Variants in ZNF479 observed in about 807,000 individuals in gnomAD.
The protein encoded by ZNF479 is KRAB zinc finger protein KR19.
ZNF479 carries 15 observed loss-of-function variants against 14.7 expected under a neutral mutation model. That is an observed-to-expected ratio of 1.02 (90% CI 0.68 to 1.57). The LOEUF is 1.57. Ranked by LOEUF, ZNF479 falls within the 40% of genes most tolerant of loss-of-function variation. The pLI, the probability that ZNF479 is intolerant of heterozygous loss-of-function variation, is 0.00. For missense variants in ZNF479, 506 were observed against 615.1 expected (o/e 0.82, Z 1.88); for synonymous variants, 145 against 211.5 (o/e 0.69, Z 2.73).
upstream of ZNF479, among the ~76,000 whole-genome samples, chr7:57,136,347 G>A (rs909680514): frequency 2.6e-5 from 4 of 151,592 alleles, no homozygotes; most frequent in African/African-American, 9.7e-5. Context: ...TCACGCTACT[G>A]CACTCCAGCC....
intron 3 of ZNF479, among the ~76,000 whole-genome samples, chr7:57,122,751 G>C (rs1554400828): frequency 6.6e-6 from 1 of 151,988 alleles, no homozygotes. Flanking sequence ...ACACATGAAA[G>C]CAAATGAGTC....
intron 3 of ZNF479, among the ~76,000 whole-genome samples, chr7:57,125,672 A>T (rs191773248): frequency 2.0e-5 from 3 of 151,448 alleles, no homozygotes; most frequent in African/African-American, 7.3e-5. Context: ...GCAAAAAAAA[A>T]TTTTAATGGT....
exon 1 of ZNF479, chr7:57,139,734 T>C (rs1251925667): frequency 1.3e-5 from 2 of 152,210 alleles, no homozygotes; most frequent in African/African-American, 2.4e-5. Flanking sequence ...CTGCCCTTAG[T>C]TGGGATTGTG....
intron 1 of ZNF479, among the ~76,000 whole-genome samples, chr7:57,130,290 T>C (rs747919657): frequency 2.0e-5 from 3 of 152,120 alleles, no homozygotes; most frequent in African/African-American, 7.2e-5. Context: ...CTAGCCAACA[T>C]AGTGAAAGCC....
rs1388432884 is a variant in ZNF479 at position 57,119,663 on chromosome 7, A to T, written c.*177T>A. 4.5e-6 allele frequency: 3 copies of T among 667,718 alleles called. No individual in the cohort carries two copies. The highest frequency in any genetic ancestry group is 1.8e-5 in the African/African-American group (1 of 54,776). The allele number at this position is 667,718 out of a possible 1,614,324, so 41.4% of individuals were successfully genotyped here. On this transcript the variant is annotated 3_prime_UTR_variant, in exon 4 of 4. Coordinates refer to ENST00000319636, the MANE Select transcript of ZNF479 (RefSeq NM_001370129.2). ...GTTTATTAAGGTTTGAGGGTTGGTT[A>T]AAGGCTTTGTTACATTTTTTTACAT...
Position 57,120,989 on chromosome 7 carries a change from A to G in ZNF479, c.426T>C (p.Tyr142=). The stretch of plus-strand genomic sequence containing the variant: ...TTGACAAACATTGGTTAACTTCACT[A>G]TAACCTCCCTTGTGCACCTCATATT... ...VGEYEVHKGG[Y]SEVNQCLSTT... The change falls in exon 4 of 4, where the codon TAT becomes TAC. Residue 142 remains tyrosine (Y), a synonymous_variant. Coordinates refer to ENST00000319636, the MANE Select transcript of ZNF479 (RefSeq NM_001370129.2). 1 of 1,614,160 alleles carries G rather than the reference A, an allele frequency of 6.2e-7. No homozygotes were observed. The highest frequency in any genetic ancestry group is 8.5e-7 in the Non-Finnish European group (1 of 1,180,028).
intron 3 of ZNF479, among the ~76,000 whole-genome samples, chr7:57,123,251 G>A (rs1221817129): frequency 2.0e-5 from 3 of 152,150 alleles, no homozygotes; most frequent in African/African-American, 4.8e-5. Context: ...GAGGAGCCAG[G>A]TTCCTTTAAG....
Position 57,126,727 on chromosome 7 carries a change from C to A in ZNF479, c.40-9G>T. On this transcript the variant is annotated splice_polypyrimidine_tract_variant and intron_variant, in intron 1 of 3. Transcript: ENST00000319636. Reference sequence around the variant, plus strand: ...CTGAATGTCAACAGTCCCTGGAAAACAAACAAACAAAACCACTCATGAACA... The same window carrying A: ...CTGAATGTCAACAGTCCCTGGAAAAAAAACAAACAAAACCACTCATGAACA... 1 of 1,613,372 alleles carries A rather than the reference C, an allele frequency of 6.2e-7. No homozygotes were observed. Among genetic ancestry groups the A allele is most frequent in the Non-Finnish European group, 8.5e-7 (1 of 1,179,566 alleles).
upstream of ZNF479, among the ~76,000 whole-genome samples, chr7:57,136,393 AT>A (rs778569300): frequency 4.6e-5 from 7 of 151,556 alleles, no homozygotes; most frequent in African/African-American, 9.7e-5. Context: ...CAAAAAAAAA[AT>A]ACCCCCAAAG....
At chr7:57,138,484 CAGTT>C (rs1454117682) in intron 1 of ZNF479, among the ~76,000 whole-genome samples, 1 of 152,160 alleles carries the variant, frequency 6.6e-6, no homozygotes, top group African/African-American at 2.4e-5. Flanking sequence ...ACACGATACA[CAGTT>C]AGAATATTGA....
rs777264699 is a variant in ZNF479 at position 57,126,113 on chromosome 7, C to A, written c.167G>T (p.Gly56Val). The change falls in exon 3 of 4, where the codon GGT (glycine) becomes GTT (valine). Residue 56 changes from glycine to valine, a missense_variant and splice_region_variant. Physicochemically the swap from Gly to Val is moderately radical, Grantham distance 109. Coordinates refer to ENST00000319636, the MANE Select transcript of ZNF479 (RefSeq NM_001370129.2). Reference protein sequence around the residue: ...LENYRNLVSLGIAVSKPDLIT... With the variant: ...LENYRNLVSLVIAVSKPDLIT... The stretch of plus-strand genomic sequence containing the variant: ...CAAGTCTGGCTTAGAGACAGCAATA[C>A]CTGTTTTATTAAGAAAAAAAAGTAA... 14 of 1,592,276 alleles carry A rather than the reference C, an allele frequency of 8.8e-6. No individual in the cohort carries two copies. The highest frequency in any genetic ancestry group is 2.2e-5 in the South Asian group (2 of 89,200).
At chr7:57,137,125 A>AT (rs559805280), upstream of ZNF479, among the ~76,000 whole-genome samples, 3 of 152,060 alleles carry the variant, frequency 2.0e-5, no homozygotes, top group Non-Finnish European at 2.9e-5. Flanking sequence ...GAATTAAATA[A>AT]TTTTTTTTAA....
chr7:57,134,830 A>C (rs1786575464), upstream of ZNF479, among the ~76,000 whole-genome samples: 1 of 151,944 alleles, frequency 6.6e-6, no homozygotes, highest in African/African-American at 2.4e-5. Context: ...ATGCGCCACC[A>C]TGCCCGGCTA....
intron 1 of ZNF479, among the ~76,000 whole-genome samples, chr7:57,139,055 C>A (rs190576887): frequency 6.6e-6 from 1 of 152,206 alleles, no homozygotes; most frequent in African/African-American, 2.4e-5. Context: ...TGGGCAAGCA[C>A]AAATGTCTCA....
chr7:57,134,524 G>T (rs558646174), upstream of ZNF479, among the ~76,000 whole-genome samples: 48 of 152,212 alleles, frequency 3.2e-4, no homozygotes, highest in African/African-American at 1.1e-3. Flanking sequence ...ATATAATCAA[G>T]AAATAACTGT....
chr7:57,120,937 G>A lies in ZNF479; in HGVS notation c.478C>T (p.His160Tyr), dbSNP rs1183624164. The change falls in exon 4 of 4, where the codon CAT (histidine) becomes TAT (tyrosine). Residue 160 changes from histidine to tyrosine, a missense_variant. His to Tyr is a moderately conservative substitution (Grantham distance 83). Transcript: ENST00000319636. ...STTQNKIFQTHKYVKVFGKFS... is the reference protein window; with the variant it reads ...STTQNKIFQTYKYVKVFGKFS... ...TTACCAAAGACTTTGACATATTTAT[G>A]AGTCTGAAATATTTTGTTTTGGGTA... The A allele has an allele frequency of 6.2e-7, 1 of 1,613,914 alleles. No homozygotes were observed. Among genetic ancestry groups the A allele is most frequent in the South Asian group, 1.1e-5 (1 of 91,072 alleles).
upstream of ZNF479, among the ~76,000 whole-genome samples, chr7:57,133,216 A>G (rs1786511811): frequency 6.6e-6 from 1 of 152,124 alleles, no homozygotes; most frequent in Non-Finnish European, 1.5e-5. Context: ...GATTATCCTC[A>G]TGCTGTTCTG....
At position 57,119,662 on chromosome 7, in the gene ZNF479, T is replaced by A. The variant is rs1785812952; in HGVS notation, c.*178A>T. ...GGTTTATTAAGGTTTGAGGGTTGGT[T>A]AAAGGCTTTGTTACATTTTTTTACA... On this transcript the variant is annotated 3_prime_UTR_variant, in exon 4 of 4. Coordinates refer to ENST00000319636, the MANE Select transcript of ZNF479 (RefSeq NM_001370129.2). 1 of 666,414 alleles carries A rather than the reference T, an allele frequency of 1.5e-6. No individual in the cohort carries two copies. The highest frequency in any genetic ancestry group is 1.8e-5 in the African/African-American group (1 of 54,758). 41.3% of individuals were successfully genotyped at this position (666,414 alleles called of 1,614,324 possible).
intron 3 of ZNF479, among the ~76,000 whole-genome samples, chr7:57,121,950 A>T (rs1554400708): frequency 1.3e-5 from 2 of 152,094 alleles, no homozygotes; most frequent in African/African-American, 4.8e-5. Flanking sequence ...AAATAAGAAT[A>T]CCAACAAAAC....
Sources: allele counts gnomAD v4.1 joint callset (sites outside exome capture counted in the v4.1 genomes callset), GRCh38; gene constraint gnomAD v4.1.1; transcripts MANE v1.5; gene names NCBI Gene and HGNC (gene_info 2026-07-23, HGNC 2026-07-21).